The following EPHB1 variants were observed in gnomAD, a reference collection of about 807,000 sequenced individuals.
The protein encoded by EPHB1 is ephrin type-B receptor 1.
Under a neutral mutation model 94.4 loss-of-function variants are expected in EPHB1, and 30 were observed. The observed-to-expected ratio is 0.32, with a 90% CI of 0.24 to 0.43. EPHB1 has a LOEUF of 0.43. Ranked by LOEUF, EPHB1 falls within the 20% of genes least tolerant of loss-of-function variation. The pLI, the probability that EPHB1 is intolerant of heterozygous loss-of-function variation, is 1.00. For missense variants in EPHB1, 1,055 were observed against 1,308.3 expected, an observed-to-expected ratio of 0.81 and a Z score of 2.99; for synonymous variants, 522 against 489.1, an observed-to-expected ratio of 1.07 and a Z score of -0.89.
chr3:134,812,246 T>A (rs1249635431), intron 1 of EPHB1, among the ~76,000 whole-genome samples: 1 of 152,200 alleles, frequency 6.6e-6, no homozygotes, highest in Non-Finnish European at 1.5e-5. Flanking sequence ...ATCGTTCTCA[T>A]CACCCTCATG....
chr3:135,081,539 A>T (rs905873394), intron 3 of EPHB1, among the ~76,000 whole-genome samples: 6 of 152,080 alleles, frequency 3.9e-5, no homozygotes, highest in Non-Finnish European at 8.8e-5. Flanking sequence ...CATAGAAAAA[A>T]CCTGGAGGTT....
intron 1 of EPHB1, among the ~76,000 whole-genome samples, chr3:134,920,893 T>C (rs985467608): frequency 6.6e-6 from 1 of 151,754 alleles, no homozygotes; most frequent in Non-Finnish European, 1.5e-5. Context: ...AGGGAAGTGT[T>C]CCCTGGGAAT....
chr3:135,257,540 G>A (rs1419693106), intron 15 of EPHB1, among the ~76,000 whole-genome samples: 1 of 152,056 alleles, frequency 6.6e-6, no homozygotes, highest in African/African-American at 2.4e-5. Flanking sequence ...GGGGGTCAGG[G>A]GTCAGGGACC....
intron 1 of EPHB1, among the ~76,000 whole-genome samples, chr3:134,870,692 T>C (rs2037481708): frequency 6.6e-6 from 1 of 152,254 alleles, no homozygotes; most frequent in South Asian, 2.1e-4. Flanking sequence ...AGCCACAGGC[T>C]GAATAGACTC....
chr3:135,174,944 C>G (rs1182385953), intron 9 of EPHB1, among the ~76,000 whole-genome samples: 1 of 152,204 alleles, frequency 6.6e-6, no homozygotes, highest in African/African-American at 2.4e-5. Context: ...AGGCATCCTC[C>G]ACCAGCTGGG....
intron 12 of EPHB1, among the ~76,000 whole-genome samples, chr3:135,207,416 A>G (rs1010353515): frequency 2.0e-5 from 3 of 147,284 alleles, no homozygotes; most frequent in African/African-American, 7.6e-5. Flanking sequence ...TTTATTGAGT[A>G]TCTACTATGT....
chr3:135,249,854 C>CTGAT (rs1370828766), intron 15 of EPHB1, among the ~76,000 whole-genome samples: 3 of 152,232 alleles, frequency 2.0e-5, no homozygotes, highest in Admixed American at 1.3e-4. Flanking sequence ...AAGCATTGCA[C>CTGAT]TGATTCAGCA....
At chr3:134,845,583 C>T (rs1050237467) in intron 1 of EPHB1, among the ~76,000 whole-genome samples, 3 of 151,660 alleles carry the variant, frequency 2.0e-5, no homozygotes, top group Non-Finnish European at 4.4e-5. Flanking sequence ...GCCGTGGCTT[C>T]GAGGTCTCTG....
intron 3 of EPHB1, among the ~76,000 whole-genome samples, chr3:135,038,866 G>C (rs904883221): frequency 1.1e-4 from 16 of 152,140 alleles, no homozygotes; most frequent in African/African-American, 2.4e-5. Context: ...GCCAATGCTG[G>C]CTCCAGCAGC....
At chr3:134,805,378 C>T (rs554342861) in intron 1 of EPHB1, among the ~76,000 whole-genome samples, 16 of 152,234 alleles carry the variant, frequency 1.1e-4, no homozygotes, top group Admixed American at 4.6e-4. Flanking sequence ...GCTCAGAGGC[C>T]GGGGGCAGGC....
intron 12 of EPHB1, among the ~76,000 whole-genome samples, chr3:135,214,226 C>T (rs1943093093): frequency 6.6e-6 from 1 of 152,200 alleles, no homozygotes; most frequent in Non-Finnish European, 1.5e-5. Context: ...CCATTTGCCC[C>T]CTGTGCTCTT....
chr3:134,870,599 C>T (rs1243899371), intron 1 of EPHB1, among the ~76,000 whole-genome samples: 2 of 152,234 alleles, frequency 1.3e-5, no homozygotes, highest in East Asian at 1.9e-4. Context: ...TGAACGCTGG[C>T]GTTATCTAAT....
intron 6 of EPHB1, among the ~76,000 whole-genome samples, chr3:135,159,243 G>A (rs1301230312): frequency 6.6e-6 from 1 of 152,158 alleles, no homozygotes; most frequent in African/African-American, 2.4e-5. Context: ...GCCTGAAATT[G>A]ATTAATGATT....
Position 135,255,409 on chromosome 3 carries a change from A to T in EPHB1, c.2847-3603A>T, listed in dbSNP as rs943868612. Among the ~76,000 whole-genome samples the T allele has an allele frequency of 7.3e-5, 10 of 137,528 alleles. 3 individuals are homozygous for T. Among genetic ancestry groups the T allele is most frequent in the Admixed American group, 6.5e-4 (9 of 13,898 alleles). 90.2% of individuals were successfully genotyped at this position (137,528 alleles called of 152,430 possible). ...TTGAATGCATCCCAGAGATTCTGGTATGTTGTGTCTTTGTTTCCGTTGGTT... is the reference window on the plus strand; with the variant it reads ...TTGAATGCATCCCAGAGATTCTGGTTTGTTGTGTCTTTGTTTCCGTTGGTT... On this transcript the variant is annotated intron_variant, in intron 15 of 15. Coordinates refer to ENST00000398015, the MANE Select transcript of EPHB1 (RefSeq NM_004441.5).
At chr3:134,928,854 G>T (rs991548606) in intron 2 of EPHB1, among the ~76,000 whole-genome samples, 4 of 152,184 alleles carry the variant, frequency 2.6e-5, no homozygotes, top group Non-Finnish European at 2.9e-5. Flanking sequence ...GGGAGCAGGA[G>T]AAAACCAAGA....
At chr3:135,151,638 A>G (rs1461322746) in intron 5 of EPHB1, among the ~76,000 whole-genome samples, 1 of 152,210 alleles carries the variant, frequency 6.6e-6, no homozygotes, top group African/African-American at 2.4e-5. Context: ...TGCCTCTAGA[A>G]CCTAAAAAGT....
intron 2 of EPHB1, among the ~76,000 whole-genome samples, chr3:134,943,681 C>T (rs1226778815): frequency 6.6e-6 from 1 of 152,172 alleles, no homozygotes; most frequent in Admixed American, 6.5e-5. Flanking sequence ...GATAGGGATG[C>T]TTCCTTGGCC....
chr3:134,975,857 A>G (rs774640244), intron 3 of EPHB1, among the ~76,000 whole-genome samples: 3 of 152,158 alleles, frequency 2.0e-5, no homozygotes, highest in Non-Finnish European at 4.4e-5. Context: ...CATATTGGCC[A>G]CATTAAATCT....
At chr3:134,964,221 CTG>C (rs1468198766) in intron 3 of EPHB1, among the ~76,000 whole-genome samples, 1 of 152,140 alleles carries the variant, frequency 6.6e-6, no homozygotes, top group Non-Finnish European at 1.5e-5. Flanking sequence ...TCCGAAGAAA[CTG>C]GGGAGGAATC....
Sources: gnomAD v4.1 joint callset for allele counts (sites outside exome capture counted in the v4.1 genomes callset) on GRCh38, gnomAD v4.1.1 for gene constraint, MANE v1.5 for transcripts, NCBI Gene and HGNC (gene_info 2026-07-23, HGNC 2026-07-21) for gene names.